The following SH2B1 variants were observed in gnomAD, a reference collection of about 807,000 sequenced individuals.
SH2B1 encodes SH2B adapter protein 1.
In SH2B1, 15 loss-of-function variants were observed where a neutral mutation model predicts 62.6. The observed-to-expected ratio is 0.24, with a 90% CI of 0.16 to 0.37. The LOEUF is 0.37. Among genes scored for constraint, SH2B1 ranks in the 10% least tolerant of loss-of-function variants. The probability of loss-of-function intolerance (pLI) is 1.00; values close to 1 mark genes in which losing one functional copy is unlikely to be tolerated. For synonymous variants in SH2B1, 443 were observed against 438.0 expected (o/e 1.01, Z -0.14); for missense variants, 925 against 1,015.6 (o/e 0.91, Z 1.21).
In SH2B1 at chr16:28,874,002, T is replaced by C; in HGVS notation, c.*182T>C. 2.0e-6 allele frequency: 1 copy of C among 497,402 alleles called. No homozygotes were observed. Among genetic ancestry groups the C allele is most frequent in the South Asian group, 9.2e-5 (1 of 10,920 alleles). 30.8% of individuals were successfully genotyped at this position (497,402 alleles called of 1,614,324 possible). The stretch of plus-strand genomic sequence containing the variant: ...CTCCCGTCACACACTACAGGTCCCC[T>C]CCCCAGGGCAGGGGATTTGGGCTCC... On this transcript the variant is annotated 3_prime_UTR_variant, in exon 8 of 8. Transcript: ENST00000684370.
Position 28,873,397 on chromosome 16 carries a change from G to T in SH2B1, c.1898-50G>T, listed in dbSNP as rs1352985250. On this transcript the variant is annotated intron_variant, in intron 7 of 7. Coordinates refer to ENST00000684370, the MANE Select transcript of SH2B1 (RefSeq NM_001387430.1). This position sits in a 1 kb window ranked among gnomAD's most constrained non-coding sequence, Gnocchi z 4.2. ...CTGAGTGAAGGGGAGGCCACGGCAG[G>T]AGCTCACCTGCCTCCACAATCAGTC... 8.2e-6 allele frequency: 13 copies of T among 1,579,966 alleles called. No homozygotes were observed. The highest frequency in any genetic ancestry group is 9.4e-6 in the Non-Finnish European group (11 of 1,173,058).
chr16:28,868,550 C>T (rs1186784467), intron 2 of SH2B1, among the ~76,000 whole-genome samples: 1 of 152,050 alleles, frequency 6.6e-6, no homozygotes, highest in East Asian at 1.9e-4. Context: ...ACCTCCGCCT[C>T]CCGGGTTCAA....
At chr16:28,861,242 C>A (rs1328221136), upstream of SH2B1, among the ~76,000 whole-genome samples, 2 of 152,120 alleles carry the variant, frequency 1.3e-5, no homozygotes, top group Non-Finnish European at 2.9e-5. Context: ...AAGTGATTCT[C>A]CTGCCTCAGC....
intron 1 of SH2B1, among the ~76,000 whole-genome samples, chr16:28,848,817 G>A (rs1267664895): frequency 6.6e-6 from 1 of 151,254 alleles, no homozygotes; most frequent in Non-Finnish European, 1.5e-5. Flanking sequence ...GATTACAGGC[G>A]CCTGCCACCA....
intron 2 of SH2B1, 132 bp from the exon 3 acceptor site, chr16:28,868,874 C>T: frequency 1.4e-6 from 1 of 735,272 alleles, no homozygotes; most frequent in Admixed American, 2.0e-5. Context: ...GTGTGAGCCT[C>T]TGTACCCGGC....
rs1378270279 is a variant in SH2B1 at position 28,871,923 on chromosome 16, G to A, written c.1453G>A (p.Gly485Arg). ...RIPIEEGPPT[G>R]TVHPLSAPYP... ...CCCCATTGAAGAGGGACCCCCAACA[G>A]GGACAGTTCATCCCCTCTCAGCCCC... is the stretch of plus-strand genomic sequence containing the variant. The change falls in exon 5 of 8, where the codon GGG becomes AGG. Residue 485 changes from glycine to arginine, a missense_variant. Physicochemically the swap from Gly to Arg is moderately radical, Grantham distance 125. Around this residue, in one of 3 missense-constraint regions of SH2B1, gnomAD observed 683 missense variants for 704.0 expected, o/e 0.97. Coordinates refer to ENST00000684370, the MANE Select transcript of SH2B1 (RefSeq NM_001387430.1). The A allele has an allele frequency of 5.6e-6, 9 of 1,595,604 alleles. No homozygotes were observed. The highest frequency in any genetic ancestry group is 7.7e-6 in the Non-Finnish European group (9 of 1,167,176).
intron 4 of SH2B1, among the ~76,000 whole-genome samples, chr16:28,871,267 C>T (rs551602924): frequency 9.2e-5 from 14 of 152,296 alleles, no homozygotes; most frequent in Admixed American, 5.9e-4. Flanking sequence ...ATCCTCCTGC[C>T]TCAACCTCCC....
Position 28,869,112 on chromosome 16 carries a change from T to C in SH2B1, c.1133+15T>C. 1.9e-6 allele frequency: 3 copies of C among 1,613,916 alleles called. No individual in the cohort carries two copies. The highest frequency in any genetic ancestry group is 2.5e-6 in the Non-Finnish European group (3 of 1,179,806). The stretch of plus-strand genomic sequence containing the variant: ...CTGAGCCCAGGGTGAGAAGCCTGAC[T>C]TCTGTCGCTAAGGGACATAGAGTGG... On this transcript the variant is annotated intron_variant, in intron 3 of 7. Coordinates refer to ENST00000684370, the MANE Select transcript of SH2B1 (RefSeq NM_001387430.1).
intron 1 of SH2B1, among the ~76,000 whole-genome samples, chr16:28,852,553 C>CAT (rs1164278974): frequency 0.027 from 262 of 9,580 alleles, 108 homozygotes; most frequent in East Asian, 0.22. Flanking sequence ...TATATATACA[C>CAT]ATATTTATAT....
chr16:28,867,408 C>T lies in SH2B1; in HGVS notation c.1017C>T (p.Asp339=). The T allele has an allele frequency of 6.2e-7, 1 of 1,613,940 alleles. No individual in the cohort carries two copies. The highest frequency in any genetic ancestry group is 2.2e-5 in the East Asian group (1 of 44,888). The change falls in exon 2 of 8, where the codon GAC becomes GAT. Residue 339 remains aspartate, a synonymous_variant. Transcript: ENST00000684370. ...CAACCACAGCCCTGGAGATGCCTGA[C>T]CGGGAGAACACGTTTGTGGTTAAGG... The part of the protein sequence containing the change: ...VRTTTALEMP[D]RENTFVVKVE...
At position 28,872,316 on chromosome 16, in the gene SH2B1, G is replaced by A. The variant is rs1035098086; in HGVS notation, c.1640G>A (p.Gly547Asp). 6 of 1,613,950 alleles carry A rather than the reference G, an allele frequency of 3.7e-6. No homozygotes were observed. The highest frequency in any genetic ancestry group is 5.1e-6 in the Non-Finnish European group (6 of 1,179,864). Residue 547 changes from glycine to aspartate, a missense_variant, in exon 6 of 8, where the codon GGC becomes GAC. Physicochemically the swap from Gly to Asp is moderately conservative, Grantham distance 94. Transcript: ENST00000684370. The surrounding 1 kb of genome is among the most constrained non-coding windows in gnomAD (Gnocchi z 5.3). ...AAQLVLTGGTGSHGVFLVRQS... is the reference protein window; with the variant it reads ...AAQLVLTGGTDSHGVFLVRQS... ...CAGTTGGTGCTGACTGGCGGCACTG[G>A]CTCCCACGGTGTCTTCCTGGTGCGC...
In SH2B1 at chr16:28,866,750, C is replaced by A. The variant is rs1962732494; in HGVS notation, c.656C>A (p.Ser219Tyr). The A allele has an allele frequency of 6.3e-7, 1 of 1,578,208 alleles. No homozygotes were observed. The highest frequency in any genetic ancestry group is 1.2e-5 in the South Asian group (1 of 83,926). Residue 219 changes from serine (S) to tyrosine (Y), a missense_variant, in exon 1 of 8, where the codon TCC (serine) becomes TAC (tyrosine). Physicochemically the swap from Ser to Tyr is moderately radical, Grantham distance 144. Transcript: ENST00000684370. This position sits in a 1 kb window ranked among gnomAD's most constrained non-coding sequence, Gnocchi z 6.3. ...VGRGLVSDGT[S>Y]PGERWTHRFE... is the part of the protein sequence containing the mutation. ...AGGGGACTGGTCAGTGATGGAACGT[C>A]CCCTGGGGAAAGATGGACTCACCGT...
chr16:28,852,929 T>TAC (rs1962208252), intron 1 of SH2B1, among the ~76,000 whole-genome samples: 1 of 59,762 alleles, frequency 1.7e-5, no homozygotes, highest in South Asian at 7.4e-4. Flanking sequence ...TATATATTTT[T>TAC]ATATATATGT....
Position 28,864,776 on chromosome 16 carries a change from C to G in SH2B1, c.-1319C>G, listed in dbSNP as rs1395229343. ...TTGTAAGACCTTGAGAGGGCTCCTC[C>G]TTTCTCTAATTTCTATTTTAGAAAA... On this transcript the variant is annotated 5_prime_UTR_variant, in exon 1 of 8. Transcript: ENST00000684370. The G allele has an allele frequency of 1.0e-5, 5 of 491,826 alleles. No homozygotes were observed. The highest frequency in any genetic ancestry group is 2.1e-5 in the African/African-American group (1 of 47,630). 30.5% of individuals were successfully genotyped at this position (491,826 alleles called of 1,614,324 possible). A position where few individuals can be genotyped will look rare whatever the true frequency, so the allele number is the denominator to read the frequency against.
Position 28,866,372 on chromosome 16 carries a change from C to G in SH2B1, c.278C>G (p.Ala93Gly). 1.2e-6 allele frequency: 2 copies of G among 1,613,536 alleles called. No individual in the cohort carries two copies. The highest frequency in any genetic ancestry group is 1.7e-6 in the Non-Finnish European group (2 of 1,179,996). ...GGCTCCCTGTCGCCACCCATCCTGG[C>G]TCCCCTGAGCCCTGGTGCGGAGATT... ...ASGSLSPPIL[A>G]PLSPGAEISP... is the part of the protein sequence containing the mutation. The change falls in exon 1 of 8, where the codon GCT becomes GGT. Residue 93 changes from alanine (A) to glycine (G), a missense_variant. By Grantham distance (60) the Ala-to-Gly change is moderately conservative. Around this residue, in one of 3 missense-constraint regions of SH2B1, gnomAD observed 683 missense variants for 704.0 expected, o/e 0.97. Coordinates refer to ENST00000684370, the MANE Select transcript of SH2B1 (RefSeq NM_001387430.1). The surrounding 1 kb of genome is among the most constrained non-coding windows in gnomAD (Gnocchi z 6.3).
In SH2B1 at chr16:28,866,138, C is replaced by A; in HGVS notation, c.44C>A (p.Ser15Tyr). Residue 15 changes from serine to tyrosine, a missense_variant, in exon 1 of 8, where the codon TCT (serine) becomes TAT (tyrosine). By Grantham distance (144) the Ser-to-Tyr change is moderately radical. Coordinates refer to ENST00000684370, the MANE Select transcript of SH2B1 (RefSeq NM_001387430.1). The surrounding 1 kb of genome is among the most constrained non-coding windows in gnomAD (Gnocchi z 6.3). The stretch of plus-strand genomic sequence containing the variant: ...CCAGAGGACGGGGCCTCCCCCTCGT[C>A]TCCCCCGCTGCCCCCACCCCCGCCC... Reference protein sequence around the residue: ...PSPEDGASPSSPPLPPPPPPS... With the variant: ...PSPEDGASPSYPPLPPPPPPS... The A allele has an allele frequency of 1.3e-6, 2 of 1,533,464 alleles. No homozygotes were observed. Among genetic ancestry groups the A allele is most frequent in the Non-Finnish European group, 1.8e-6 (2 of 1,138,452 alleles). 95.0% of individuals were successfully genotyped at this position (1,533,464 alleles called of 1,614,324 possible).
intron 1 of SH2B1, among the ~76,000 whole-genome samples, chr16:28,852,305 TATATATATTTACATATATATATTTAC>T (rs1567458195): frequency 1.6e-5 from 1 of 63,946 alleles, no homozygotes. Context: ...TATATTTACA[TATATATATTTACATATATATATTTAC>T]ATATATATTT....
chr16:28,867,279 G>A, intron 1 of SH2B1, 52 bp from the exon 2 acceptor site: 2 of 1,423,974 alleles, frequency 1.4e-6, no homozygotes, highest in South Asian at 2.3e-5. Context: ...GGGAGGGGAA[G>A]AGTGGTCTTT....
rs867581659 is a variant in SH2B1, at chr16:28,852,850, A to T, written c.-301+6023A>T. ...TATTTATATATATATACATATATAT[A>T]TTTTTATATATATTTACATATATAT... On this transcript the variant is annotated intron_variant, in intron 1 of 10. Transcript: ENST00000322610. Among the ~76,000 whole-genome samples the T allele has an allele frequency of 8.7e-4, 37 of 42,394 alleles. 7 individuals carry two copies. The highest frequency in any genetic ancestry group is 2.1e-3 in the South Asian group (4 of 1,912). The allele number at this position is 42,394 out of a possible 152,430, so 27.8% of individuals were successfully genotyped here.
Sources: allele counts gnomAD v4.1 joint callset (sites outside exome capture counted in the v4.1 genomes callset), GRCh38; gene constraint gnomAD v4.1.1; regional missense constraint gnomAD v4.1.1; non-coding constraint Gnocchi (gnomAD v3.1); transcripts MANE v1.5; gene names NCBI Gene and HGNC (gene_info 2026-07-23, HGNC 2026-07-21).